Variants in MAEA observed in about 807,000 individuals in gnomAD.
MAEA encodes the protein macrophage erythroblast attacher, E3 ubiquitin ligase.
In MAEA, 22 loss-of-function variants were observed where a neutral mutation model predicts 46.2. The observed-to-expected ratio is 0.48, with a 90% CI of 0.34 to 0.68. MAEA has a LOEUF of 0.68. Ranked by LOEUF, MAEA falls within the 30% of genes least tolerant of loss-of-function variation. The pLI is 0.01. For synonymous variants in MAEA, 246 were observed against 222.6 expected (o/e 1.11, Z -0.94); for missense variants, 393 against 558.1 (o/e 0.70, Z 2.98).
At chr4:1,333,172 C>T (rs1275947771) in intron 6 of MAEA, among the ~76,000 whole-genome samples, 1 of 151,538 alleles carries the variant, frequency 6.6e-6, no homozygotes, top group East Asian at 1.9e-4. Flanking sequence ...CCCACCTCTA[C>T]AAAAAAAATT....
intron 3 of MAEA, among the ~76,000 whole-genome samples, chr4:1,321,659 G>T (rs1172114247): frequency 1.3e-5 from 2 of 152,144 alleles, no homozygotes; most frequent in African/African-American, 4.8e-5. Flanking sequence ...TGCCGTCCTT[G>T]GTCCCACTGG....
chr4:1,326,858 G>A (rs1316753222), intron 4 of MAEA, among the ~76,000 whole-genome samples: 2 of 152,220 alleles, frequency 1.3e-5, no homozygotes, highest in African/African-American at 4.8e-5. Flanking sequence ...GTGTCTGTGC[G>A]GTCCCCCGTC....
chr4:1,320,960 C>T (rs1485184078), intron 3 of MAEA, among the ~76,000 whole-genome samples: 3 of 152,306 alleles, frequency 2.0e-5, no homozygotes, highest in African/African-American at 2.4e-5. Flanking sequence ...TTTAGCCGGG[C>T]GTGGTGGCAG....
At chr4:1,294,144 C>G (rs1449145188) in intron 1 of MAEA, among the ~76,000 whole-genome samples, 1 of 152,216 alleles carries the variant, frequency 6.6e-6, no homozygotes, top group Non-Finnish European at 1.5e-5. Flanking sequence ...CCAGAATCCG[C>G]CCGGTCTCTA....
At chr4:1,313,709 G>T (rs1736791513) in intron 2 of MAEA, among the ~76,000 whole-genome samples, 1 of 151,632 alleles carries the variant, frequency 6.6e-6, no homozygotes, top group African/African-American at 2.4e-5. Context: ...CTGGGCGACA[G>T]CGAGACCCTA....
intron 5 of MAEA, chr4:1,331,683 G>A (rs1327308963): frequency 1.3e-5 from 2 of 152,318 alleles, no homozygotes; most frequent in Non-Finnish European, 2.9e-5. Flanking sequence ...TGAGAACGTG[G>A]GGTGCACAGG....
At chr4:1,334,731 G>C (rs1341252487) in intron 6 of MAEA, 1 of 315,440 alleles carries the variant, frequency 3.2e-6, no homozygotes, top group Admixed American at 6.5e-5. Flanking sequence ...CCGTTGCCAT[G>C]GGTCAGGCAA....
intron 1 of MAEA, chr4:1,298,210 T>C: frequency 2.5e-6 from 1 of 393,108 alleles, no homozygotes; most frequent in Non-Finnish European, 5.2e-6. Flanking sequence ...GTCGCCTGCC[T>C]GCTTGTGCTC....
At chr4:1,331,764 TG>T (rs5855699) in intron 5 of MAEA, 111,701 of 147,312 alleles carry the variant, frequency 0.76, 42,319 homozygotes, top group African/African-American at 0.89. Flanking sequence ...ACCCTGTGTG[TG>T]GGGGGGGGCA....
At chr4:1,338,895 A>AGGG (rs1713168601) in intron 8 of MAEA, 179 bp from the exon 9 acceptor site, 1 of 664,324 alleles carries the variant, frequency 1.5e-6, no homozygotes, top group South Asian at 1.8e-5. Context: ...AAATGGATGA[A>AGGG]GGGGTGGGAA....
At chr4:1,331,521 C>T (rs1711809891) in intron 5 of MAEA, 1 of 152,630 alleles carries the variant, frequency 6.6e-6, no homozygotes, top group Non-Finnish European at 1.5e-5. Context: ...ACTGCATCTT[C>T]TCCAAGGCCA....
At chr4:1,292,886 CTTTTTT>C (rs34802084) in intron 1 of MAEA, among the ~76,000 whole-genome samples, 1 of 128,360 alleles carries the variant, frequency 7.8e-6, no homozygotes, top group South Asian at 2.5e-4. Flanking sequence ...AACTCACCAT[CTTTTTT>C]TTTTTTTTTT....
chr4:1,334,479 C>G (rs112994498), intron 6 of MAEA, among the ~76,000 whole-genome samples: 4,813 of 152,328 alleles, frequency 0.032, 101 homozygotes, highest in Middle Eastern at 0.1. Flanking sequence ...CTGAGCTTCC[C>G]AGACTGTGAG....
At chr4:1,330,325 T>TCTCTCTCTCTCTCTCTCTC (rs55818312) in intron 5 of MAEA, 71 of 163,086 alleles carry the variant, frequency 4.4e-4, no homozygotes, top group Admixed American at 6.0e-4. Context: ...TCTCTCTCTC[T>TCTCTCTCTCTCTCTCTCTC]TTCCGTGTGT....
Position 1,339,933 on chromosome 4 carries a change from TAG to T in MAEA, c.*767_*768del, listed in dbSNP as rs1171134318. On this transcript the variant is annotated 3_prime_UTR_variant, in exon 9 of 9. Transcript: ENST00000303400. ...GCCTTGCCGGATGGTTCCATAACTG[TAG>T]AGTCTAATTGCTATCCATTACAGAA... 1 of 152,716 alleles carries T rather than the reference TAG, an allele frequency of 6.5e-6. No individual in the cohort carries two copies. Among genetic ancestry groups the T allele is most frequent in the Non-Finnish European group, 1.5e-5 (1 of 68,084 alleles). The allele number at this position is 152,716 out of a possible 1,614,324, so 9.5% of individuals were successfully genotyped here.
chr4:1,323,101 C>A, intron 4 of MAEA, among the ~76,000 whole-genome samples: 1 of 151,946 alleles, frequency 6.6e-6, no homozygotes, highest in Non-Finnish European at 1.5e-5. Flanking sequence ...CATGCGCCAC[C>A]ATGCCCGGCT....
chr4:1,302,875 CA>C (rs1735457300), intron 1 of MAEA, among the ~76,000 whole-genome samples: 1 of 152,154 alleles, frequency 6.6e-6, no homozygotes, highest in African/African-American at 2.4e-5. Context: ...TAGGGAAATA[CA>C]AACCAAAACC....
At chr4:1,291,332 G>T (rs1385952232) in intron 1 of MAEA, among the ~76,000 whole-genome samples, 1 of 152,188 alleles carries the variant, frequency 6.6e-6, no homozygotes, top group Non-Finnish European at 1.5e-5. Context: ...CATGGTGCTT[G>T]TGTGTCCAGC....
intron 8 of MAEA, 148 bp from the exon 9 acceptor site, chr4:1,338,926 G>T: frequency 1.4e-6 from 1 of 716,468 alleles, no homozygotes; most frequent in South Asian, 1.7e-5. Context: ...GGTGGCCCCG[G>T]GATTTCTTTG....
Sources: gnomAD v4.1 joint callset for allele counts (sites outside exome capture counted in the v4.1 genomes callset) on GRCh38, gnomAD v4.1.1 for gene constraint, MANE v1.5 for transcripts, NCBI Gene and HGNC (gene_info 2026-07-23, HGNC 2026-07-21) for gene names.